The following TRIM14 variants were observed in gnomAD, a reference collection of about 807,000 sequenced individuals.
TRIM14 encodes the protein tripartite motif-containing protein 14.
A neutral mutation model predicts 44.5 loss-of-function variants in TRIM14; 28 were observed. The observed-to-expected ratio is 0.63, with a 90% CI of 0.47 to 0.86. The LOEUF is 0.86. Among genes scored for constraint, TRIM14 ranks in the 40% least tolerant of loss-of-function variants. The pLI is 0.00. For synonymous variants in TRIM14, 299 were observed against 269.2 expected (o/e 1.11, Z -1.08); for missense variants, 607 against 611.1 (o/e 0.99, Z 0.07).
intron 1 of TRIM14, among the ~76,000 whole-genome samples, chr9:98,116,965 C>G (rs1367454133): frequency 6.6e-6 from 1 of 152,068 alleles, no homozygotes; most frequent in Non-Finnish European, 1.5e-5. Context: ...TATCAAGACT[C>G]ATTTTTGGTA....
chr9:98,042,407 G>T, the TRIM14 span, among the ~76,000 whole-genome samples: 1 of 151,178 alleles, frequency 6.6e-6, no homozygotes, highest in Non-Finnish European at 1.5e-5. Flanking sequence ...TGTTTTTCAA[G>T]CATTTATTCC....
intron 5 of TRIM14, 80 bp from the exon 6 acceptor site, chr9:98,088,085 G>T: frequency 7.4e-7 from 1 of 1,356,434 alleles, no homozygotes; most frequent in Non-Finnish European, 9.5e-7. Context: ...ACCAACGCAC[G>T]TGCAAATCAC....
chr9:98,048,205 T>C, the TRIM14 span, among the ~76,000 whole-genome samples: 1 of 152,164 alleles, frequency 6.6e-6, no homozygotes, highest in African/African-American at 2.4e-5. Context: ...GTAAAATCAT[T>C]GCACTGTCTT....
chr9:98,042,005 G>A, the TRIM14 span, among the ~76,000 whole-genome samples: 1 of 151,514 alleles, frequency 6.6e-6, no homozygotes, highest in Non-Finnish European at 1.5e-5. Context: ...TTAAAAAAAA[G>A]TTTTCCTGGC....
chr9:98,099,346 G>C (rs1248102833), intron 3 of TRIM14, among the ~76,000 whole-genome samples: 1 of 151,830 alleles, frequency 6.6e-6, no homozygotes, highest in African/African-American at 2.4e-5. Context: ...CAGCTACTCA[G>C]GAGGCTGAGC....
chr9:98,042,773 G>A, the TRIM14 span, among the ~76,000 whole-genome samples: 1 of 151,894 alleles, frequency 6.6e-6, no homozygotes, highest in Non-Finnish European at 1.5e-5. Context: ...AGGAGGCTGA[G>A]GCAGAAGAAT....
At chr9:98,101,692 T>A (rs1203200121) in intron 2 of TRIM14, among the ~76,000 whole-genome samples, 1 of 152,124 alleles carries the variant, frequency 6.6e-6, no homozygotes, top group Non-Finnish European at 1.5e-5. Context: ...AAGTGCTGGA[T>A]TACAGGCATG....
chr9:98,082,921 G>A, downstream of TRIM14: 2 of 1,614,218 alleles, frequency 1.2e-6, no homozygotes, highest in Non-Finnish European at 1.7e-6. Context: ...CACCGTGAAG[G>A]TGGGTGAGCC....
At chr9:98,074,110 A>AT (rs1268322494) in intron 6 of TRIM14, among the ~76,000 whole-genome samples, 1 of 152,200 alleles carries the variant, frequency 6.6e-6, no homozygotes, top group East Asian at 1.9e-4. Flanking sequence ...TCTGAGTCGA[A>AT]TAAGTTTGGG....
chr9:98,087,534 TGGAACGTGGCGC>T lies in TRIM14; in HGVS notation c.1253_1264del (p.Arg418_Phe421del). Reference sequence around the variant, plus strand: ...CCGCAGGGCCGGGTAGAGCGGCTCCTGGAACGTGGCGCGGAAGGTATGCAGGTGGCTCATGCC... The same window carrying T: ...CCGCAGGGCCGGGTAGAGCGGCTCCTGGAAGGTATGCAGGTGGCTCATGCC... On this transcript the variant is annotated inframe_deletion, in exon 6 of 6. Transcript: ENST00000341469. The T allele has an allele frequency of 6.3e-7, 1 of 1,597,464 alleles. No individual in the cohort carries two copies. The highest frequency in any genetic ancestry group is 8.5e-7 in the Non-Finnish European group (1 of 1,173,422).
At chr9:98,043,756 G>T in the TRIM14 span, among the ~76,000 whole-genome samples, 2 of 151,712 alleles carry the variant, frequency 1.3e-5, no homozygotes, top group Non-Finnish European at 2.9e-5. Context: ...TCTAAACAGT[G>T]GTTTTTATCT....
chr9:98,056,585 C>G, the TRIM14 span, among the ~76,000 whole-genome samples: 1 of 151,976 alleles, frequency 6.6e-6, no homozygotes, highest in Admixed American at 6.6e-5. Flanking sequence ...TTCCTCGACC[C>G]GCCCCGCCGC....
downstream of TRIM14, chr9:98,081,270 G>T (rs1829848869): frequency 5.5e-6 from 4 of 723,716 alleles, no homozygotes; most frequent in East Asian, 1.1e-4. Context: ...GCCTGTAGCA[G>T]CAGCAGGAGA....
chr9:98,050,517 T>C, the TRIM14 span, among the ~76,000 whole-genome samples: 1 of 152,174 alleles, frequency 6.6e-6, no homozygotes, highest in Non-Finnish European at 1.5e-5. Context: ...CCTTAAAGTC[T>C]TAGTATTGCT....
the TRIM14 span, among the ~76,000 whole-genome samples, chr9:98,048,064 CA>C: frequency 9.3e-3 from 999 of 107,536 alleles, 2 homozygotes; most frequent in Non-Finnish European, 0.012. Flanking sequence ...GACTCCTTCT[CA>C]AAAAAAAAAA....
intron 5 of TRIM14, 102 bp downstream of exon 5, chr9:98,091,807 T>C: frequency 1.9e-6 from 1 of 535,072 alleles, no homozygotes; most frequent in Non-Finnish European, 2.9e-6. Context: ...AAATAAATTC[T>C]AATGAGAAAA....
the TRIM14 span, among the ~76,000 whole-genome samples, chr9:98,037,024 C>T: frequency 2.0e-5 from 3 of 151,964 alleles, no homozygotes; most frequent in Non-Finnish European, 2.9e-5. Flanking sequence ...TAACTGAAGG[C>T]GCCTACACTC....
chr9:98,065,483 A>ATTTTTTTTTTTTTTTTTTTT (rs397837187), downstream of TRIM14, among the ~76,000 whole-genome samples: 22 of 58,632 alleles, frequency 3.8e-4, 1 homozygote, highest in Non-Finnish European at 5.7e-4. Context: ...TGCCCAGCTA[A>ATTTTTTTTTTTTTTTTTTTT]TTTTTTTTTT....
chr9:98,052,310 CAA>C, the TRIM14 span, among the ~76,000 whole-genome samples: 2 of 145,318 alleles, frequency 1.4e-5, no homozygotes, highest in Non-Finnish European at 3.0e-5. Context: ...GGCAAGAAGA[CAA>C]AATGGAGAAA....
Sources: gnomAD v4.1 joint callset for allele counts (sites outside exome capture counted in the v4.1 genomes callset) on GRCh38, gnomAD v4.1.1 for gene constraint, MANE v1.5 for transcripts, NCBI Gene and HGNC (gene_info 2026-07-23, HGNC 2026-07-21) for gene names.